Variants in KCNH5 observed in about 807,000 individuals in gnomAD.
KCNH5 encodes the protein potassium voltage-gated channel subfamily H member 5.
KCNH5 carries 46 observed loss-of-function variants against 96.1 expected under a neutral mutation model. That is an observed-to-expected ratio of 0.48 (90% CI 0.38 to 0.61). The LOEUF (loss-of-function observed/expected upper bound fraction) is 0.61. Ranked by LOEUF, KCNH5 falls within the 20% of genes least tolerant of loss-of-function variation. The probability of loss-of-function intolerance (pLI) is 0.00; values close to 1 mark genes in which losing one functional copy is unlikely to be tolerated. For synonymous variants in KCNH5, 439 were observed against 449.8 expected, an observed-to-expected ratio of 0.98 and a Z score of 0.30; for missense variants, 907 against 1,225.8, an observed-to-expected ratio of 0.74 and a Z score of 3.88.
chr14:62,933,173 T>C (rs866319816), intron 7 of KCNH5, among the ~76,000 whole-genome samples: 1 of 152,024 alleles, frequency 6.6e-6, no homozygotes, highest in Non-Finnish European at 1.5e-5. Context: ...AACCGCCTAA[T>C]GTGAGCATGA....
chr14:62,777,865 G>A (rs144134563), intron 10 of KCNH5, among the ~76,000 whole-genome samples: 3 of 110,496 alleles, frequency 2.7e-5, no homozygotes, highest in African/African-American at 9.6e-5. Context: ...GTATTTGTGT[G>A]TGTGTGTGTG....
At chr14:62,828,986 T>A (rs975468606) in intron 8 of KCNH5, among the ~76,000 whole-genome samples, 4 of 151,962 alleles carry the variant, frequency 2.6e-5, no homozygotes, top group African/African-American at 9.7e-5. Context: ...AAGGGAGAAA[T>A]GGGTCAAAAC....
intron 8 of KCNH5, among the ~76,000 whole-genome samples, chr14:62,835,463 A>G (rs1273591124): frequency 6.6e-6 from 1 of 152,068 alleles, no homozygotes; most frequent in Admixed American, 6.6e-5. Context: ...GTTCATGAGG[A>G]AATTCATTGC....
chr14:62,980,523 A>C (rs1321319343), intron 6 of KCNH5, among the ~76,000 whole-genome samples: 2 of 152,200 alleles, frequency 1.3e-5, no homozygotes, highest in African/African-American at 4.8e-5. Flanking sequence ...CATTAAAAGT[A>C]ATTGTGAAAA....
chr14:62,899,649 G>A (rs1272331423), intron 7 of KCNH5, among the ~76,000 whole-genome samples: 1 of 151,268 alleles, frequency 6.6e-6, no homozygotes, highest in Non-Finnish European at 1.5e-5. Flanking sequence ...GGCTAAAAAC[G>A]GTGAAACCCC....
chr14:62,791,274 A>G (rs748836775), intron 9 of KCNH5, among the ~76,000 whole-genome samples: 1 of 151,728 alleles, frequency 6.6e-6, no homozygotes, highest in African/African-American at 2.4e-5. Flanking sequence ...AAATCTTCCA[A>G]ATCTCTAGTA....
rs144816046 is a variant in KCNH5 at position 62,915,167 on chromosome 14, C to T, written c.1369+34966G>A. Among the ~76,000 whole-genome samples, 493 of 152,304 alleles carry T rather than the reference C, an allele frequency of 3.2e-3. 6 individuals are homozygous for T. Among genetic ancestry groups the T allele is most frequent in the Non-Finnish European group, 2.1e-3 (143 of 68,010 alleles). On this transcript the variant is annotated intron_variant, in intron 7 of 10. Transcript: ENST00000322893. The stretch of plus-strand genomic sequence containing the variant: ...TAACTGGCCAAACTCATGTGAGATT[C>T]TTACTAATTATTTGTGTAGAACTAA...
At chr14:62,806,689 A>G (rs1237664557) in intron 8 of KCNH5, among the ~76,000 whole-genome samples, 1 of 152,030 alleles carries the variant, frequency 6.6e-6, no homozygotes, top group African/African-American at 2.4e-5. Context: ...GGTTAGAGGC[A>G]CCTCTTAATA....
At chr14:62,980,215 T>C (rs1241643322) in intron 6 of KCNH5, among the ~76,000 whole-genome samples, 2 of 152,162 alleles carry the variant, frequency 1.3e-5, no homozygotes, top group Non-Finnish European at 2.9e-5. Flanking sequence ...TTACCCAGTC[T>C]CAGGTTGTAT....
At chr14:62,709,409 G>A (rs999571965) in intron 10 of KCNH5, among the ~76,000 whole-genome samples, 138 of 152,242 alleles carry the variant, frequency 9.1e-4, no homozygotes, top group Non-Finnish European at 2.4e-4. Context: ...GAATTTGTGA[G>A]GAAAAGTTTC....
intron 1 of KCNH5, among the ~76,000 whole-genome samples, chr14:63,036,982 GA>G (rs1160463718): frequency 1.1e-4 from 17 of 152,120 alleles, no homozygotes; most frequent in Non-Finnish European, 5.9e-5. Context: ...GGAGGAGGCG[GA>G]AATTAGTTGA....
rs1488193748 is a variant in KCNH5, at chr14:62,778,831, T to G, written c.2019+897A>C. ...ACACTACTCCTGCTAGTCTCATCCT[T>G]TCTTGGAACCCTAAGTAGGAATTAC... On this transcript the variant is annotated intron_variant, in intron 10 of 10. Transcript: ENST00000322893. Among the ~76,000 whole-genome samples, 5 of 152,224 alleles carry G rather than the reference T, an allele frequency of 3.3e-5. No individual in the cohort carries two copies. The South Asian group carries it at 1.0e-3, about 32-fold the overall frequency.
chr14:62,898,460 T>C (rs753153212), intron 7 of KCNH5, among the ~76,000 whole-genome samples: 2 of 152,076 alleles, frequency 1.3e-5, no homozygotes, highest in Admixed American at 6.5e-5. Flanking sequence ...AAAAAAGTCA[T>C]TCTAAAGGAA....
intron 7 of KCNH5, among the ~76,000 whole-genome samples, chr14:62,870,866 G>A (rs975419069): frequency 2.6e-5 from 4 of 152,178 alleles, no homozygotes; most frequent in Non-Finnish European, 5.9e-5. Context: ...TAGGTTGCTT[G>A]TTCAAGGTCA....
chr14:62,811,245 G>A (rs1366781856), intron 8 of KCNH5, among the ~76,000 whole-genome samples: 3 of 152,170 alleles, frequency 2.0e-5, no homozygotes, highest in Admixed American at 1.3e-4. Context: ...ATATTATCAT[G>A]TCATCTCTGT....
At chr14:62,942,790 C>T (rs1175663252) in intron 7 of KCNH5, among the ~76,000 whole-genome samples, 1 of 152,180 alleles carries the variant, frequency 6.6e-6, no homozygotes. Context: ...TATGACAGGG[C>T]TTCCTGTCTA....
intron 4 of KCNH5, among the ~76,000 whole-genome samples, chr14:62,998,180 T>G (rs1890945544): frequency 6.6e-6 from 1 of 152,142 alleles, no homozygotes. Flanking sequence ...ACAAATGAAG[T>G]TCATTTTTCC....
intron 7 of KCNH5, among the ~76,000 whole-genome samples, chr14:62,920,605 T>G (rs1889362000): frequency 6.6e-6 from 1 of 152,108 alleles, no homozygotes; most frequent in Non-Finnish European, 1.5e-5. Context: ...AATCACTAGA[T>G]TCAGTGTTGT....
intron 8 of KCNH5, among the ~76,000 whole-genome samples, chr14:62,822,145 T>C (rs912168271): frequency 3.9e-5 from 6 of 152,164 alleles, no homozygotes; most frequent in African/African-American, 1.4e-4. Flanking sequence ...TGTGGAGAGA[T>C]ATACCATGTT....
Sources: gnomAD v4.1 joint callset for allele counts (sites outside exome capture counted in the v4.1 genomes callset) on GRCh38, gnomAD v4.1.1 for gene constraint, MANE v1.5 for transcripts, NCBI Gene and HGNC (gene_info 2026-07-23, HGNC 2026-07-21) for gene names.